NAALADL2: variants seen among roughly 807,000 people sequenced by gnomAD.
NAALADL2 encodes inactive N-acetylated-alpha-linked acidic dipeptidase-like protein 2.
A neutral mutation model predicts 87.2 loss-of-function variants in NAALADL2; 76 were observed. The observed-to-expected ratio is 0.87, with a 90% confidence interval of 0.72 to 1.05. NAALADL2 has a LOEUF of 1.05. NAALADL2 is among the 50% of genes least tolerant of loss of function. NAALADL2 has a pLI of 0.00. For synonymous variants in NAALADL2, 354 were observed against 331.0 expected (o/e 1.07, Z -0.75); for missense variants, 1,089 against 945.8 (o/e 1.15, Z -1.99).
chr3:174,519,933 C>T (rs984844457), intron 1 of NAALADL2, among the ~76,000 whole-genome samples: 7 of 151,956 alleles, frequency 4.6e-5, no homozygotes, highest in Non-Finnish European at 1.5e-5. Context: ...AGCTGAGAAC[C>T]AAATCAAGAA....
At chr3:175,117,572 T>A (rs1725460348) in intron 2 of NAALADL2, among the ~76,000 whole-genome samples, 1 of 150,546 alleles carries the variant, frequency 6.6e-6, no homozygotes, top group East Asian at 2.0e-4. Context: ...TGAGGTACCA[T>A]CTCACACCAG....
chr3:174,894,529 G>C (rs1451014802), intron 1 of NAALADL2, among the ~76,000 whole-genome samples: 2 of 143,978 alleles, frequency 1.4e-5, no homozygotes, highest in East Asian at 4.2e-4. Flanking sequence ...GGGAGGCGGA[G>C]GTTGCAATGA....
chr3:175,080,752 G>A (rs1717640042), intron 1 of NAALADL2, among the ~76,000 whole-genome samples: 1 of 152,164 alleles, frequency 6.6e-6, no homozygotes, highest in South Asian at 2.1e-4. Flanking sequence ...TTTTAACCAA[G>A]ACTAATTTGG....
chr3:174,853,074 A>G (rs763965932), intron 3 of NAALADL2, among the ~76,000 whole-genome samples: 7 of 151,742 alleles, frequency 4.6e-5, no homozygotes, highest in Non-Finnish European at 8.8e-5. Flanking sequence ...TTGATTAAAG[A>G]CTTACATCTG....
At chr3:175,394,274 A>T (rs965236464) in intron 5 of NAALADL2, among the ~76,000 whole-genome samples, 3 of 152,274 alleles carry the variant, frequency 2.0e-5, no homozygotes, top group Non-Finnish European at 2.9e-5. Flanking sequence ...ATACAGTTAG[A>T]TAGAAGGAGT....
rs1358079386 is a variant in NAALADL2, at chr3:175,435,835, C to A, written c.1091-11394C>A. ...AGACCCAAATTAATATTAACAAAGA[C>A]TTTACCTGTGTAGTACTTTTTTTTT... On this transcript the variant is annotated intron_variant, in intron 5 of 13. Transcript: ENST00000454872. Among the ~76,000 whole-genome samples, 5 of 147,114 alleles carry A rather than the reference C, an allele frequency of 3.4e-5. No individual in the cohort carries two copies. The Admixed American group carries it at 3.5e-4, about 10-fold the overall frequency.
intron 1 of NAALADL2, among the ~76,000 whole-genome samples, chr3:175,071,100 T>C (rs1454457636): frequency 3.3e-5 from 5 of 152,206 alleles, no homozygotes; most frequent in Admixed American, 3.3e-4. Context: ...GTTAGGTCCC[T>C]TGAGTGCCAG....
intron 5 of NAALADL2, among the ~76,000 whole-genome samples, chr3:175,348,904 C>T (rs16825514): frequency 6.6e-6 from 1 of 152,056 alleles, no homozygotes; most frequent in Non-Finnish European, 1.5e-5. Flanking sequence ...ACAGAATAAC[C>T]GTTTATAAAG....
intron 9 of NAALADL2, among the ~76,000 whole-genome samples, chr3:175,506,289 T>C (rs1163058490): frequency 6.6e-6 from 1 of 152,248 alleles, no homozygotes; most frequent in Non-Finnish European, 1.5e-5. Flanking sequence ...GCACTACACA[T>C]GCATCATCCC....
At chr3:175,240,738 C>G (rs949778911) in intron 3 of NAALADL2, among the ~76,000 whole-genome samples, 2 of 152,216 alleles carry the variant, frequency 1.3e-5, no homozygotes, top group African/African-American at 4.8e-5. Flanking sequence ...TCACTGCAAC[C>G]TCTGCCTCCC....
chr3:174,887,314 T>G (rs1037810988), intron 1 of NAALADL2, among the ~76,000 whole-genome samples: 7 of 152,202 alleles, frequency 4.6e-5, no homozygotes, highest in African/African-American at 1.7e-4. Context: ...CTTGCTTGCT[T>G]CTTGAACATA....
At chr3:175,708,570 G>T (rs78885236) in intron 11 of NAALADL2, among the ~76,000 whole-genome samples, 3,157 of 151,446 alleles carry the variant, frequency 0.021, 118 homozygotes, top group African/African-American at 0.073. Flanking sequence ...TAGAGACGGA[G>T]ATTATTTCTG....
At chr3:175,491,247 C>CCTATAAATATAATAA (rs1728052376) in intron 9 of NAALADL2, among the ~76,000 whole-genome samples, 1 of 141,260 alleles carries the variant, frequency 7.1e-6, no homozygotes, top group Admixed American at 7.1e-5. Flanking sequence ...AAATATAATA[C>CCTATAAATATAATAA]AATAAATATT....
intron 3 of NAALADL2, among the ~76,000 whole-genome samples, chr3:174,786,842 G>C (rs1179359009): frequency 6.6e-6 from 1 of 151,976 alleles, no homozygotes; most frequent in Non-Finnish European, 1.5e-5. Flanking sequence ...CTACCTCTAA[G>C]ATGTAAAAAT....
intron 5 of NAALADL2, among the ~76,000 whole-genome samples, chr3:175,335,596 GT>G (rs1761892341): frequency 6.6e-6 from 1 of 152,214 alleles, no homozygotes; most frequent in Non-Finnish European, 1.5e-5. Context: ...TCTCTGAAGA[GT>G]TTTTGAATTT....
At chr3:175,784,779 C>G (rs1354347364) in intron 13 of NAALADL2, among the ~76,000 whole-genome samples, 1 of 64,902 alleles carries the variant, frequency 1.5e-5, no homozygotes, top group Non-Finnish European at 2.7e-5. Context: ...TTTTCTAGTT[C>G]TTTTAATTGT....
intron 3 of NAALADL2, among the ~76,000 whole-genome samples, chr3:174,766,021 C>A (rs1451180679): frequency 3.6e-4 from 54 of 152,046 alleles, no homozygotes; most frequent in Non-Finnish European, 7.4e-5. Flanking sequence ...AGATAAACAC[C>A]CCTCAATAGT....
At chr3:175,226,892 G>T (rs1487618771) in intron 2 of NAALADL2, among the ~76,000 whole-genome samples, 1 of 152,012 alleles carries the variant, frequency 6.6e-6, no homozygotes, top group Non-Finnish European at 1.5e-5. Flanking sequence ...AGATTAAAAG[G>T]TAATTTCATC....
rs534426479 is a variant in NAALADL2, at chr3:175,727,164, G to T, written c.1897-10142G>T. Among the ~76,000 whole-genome samples the T allele has an allele frequency of 2.0e-5, 3 of 152,014 alleles. 1 individual carries two copies. Among genetic ancestry groups the T allele is most frequent in the Admixed American group, 2.0e-4 (3 of 15,254 alleles). On this transcript the variant is annotated intron_variant, in intron 11 of 13. Coordinates refer to ENST00000454872, the MANE Select transcript of NAALADL2 (RefSeq NM_207015.3). Reference sequence around the variant, plus strand: ...GTCGGCTCCAGAAATTCTGCAACTCGGTGCAGGGAAGGCATGCTCCAGGCT... The same window carrying T: ...GTCGGCTCCAGAAATTCTGCAACTCTGTGCAGGGAAGGCATGCTCCAGGCT...
Sources: gnomAD v4.1 joint callset for allele counts (sites outside exome capture counted in the v4.1 genomes callset) on GRCh38, gnomAD v4.1.1 for gene constraint, MANE v1.5 for transcripts, NCBI Gene and HGNC (gene_info 2026-07-23, HGNC 2026-07-21) for gene names.